The following CYP39A1 variants were observed in gnomAD, a reference collection of about 807,000 sequenced individuals.
CYP39A1 encodes cytochrome P450 family 39 subfamily A member 1, also known as 24-hydroxycholesterol 7-alpha-hydroxylase.
Under a neutral mutation model 58.1 loss-of-function variants are expected in CYP39A1, and 49 were observed. That is an observed-to-expected ratio of 0.84 (90% confidence interval 0.67 to 1.07). The LOEUF is 1.07. Ranked by LOEUF, CYP39A1 falls within the 50% of genes least tolerant of loss-of-function variation. The pLI is 0.00. For missense variants in CYP39A1, 531 were observed against 539.4 expected, an observed-to-expected ratio of 0.98 and a Z score of 0.16; for synonymous variants, 209 against 187.6, an observed-to-expected ratio of 1.11 and a Z score of -0.93.
At chr6:46,562,331 T>C (rs1219511222) in intron 10 of CYP39A1, among the ~76,000 whole-genome samples, 1 of 151,748 alleles carries the variant, frequency 6.6e-6, no homozygotes, top group African/African-American at 2.4e-5. Context: ...ACTAAGAGAG[T>C]AGATTTTAAG....
chr6:46,611,965 A>G (rs1162270280), intron 7 of CYP39A1, among the ~76,000 whole-genome samples: 1 of 152,248 alleles, frequency 6.6e-6, no homozygotes, highest in Non-Finnish European at 1.5e-5. Context: ...GCTCTGAAGA[A>G]AGAATTGTGT....
chr6:46,628,278 T>C (rs931227560), intron 6 of CYP39A1, among the ~76,000 whole-genome samples: 1 of 152,142 alleles, frequency 6.6e-6, no homozygotes, highest in Non-Finnish European at 1.5e-5. Flanking sequence ...TGAATACATA[T>C]TGGAGAAAAA....
intron 7 of CYP39A1, among the ~76,000 whole-genome samples, chr6:46,603,647 CA>C (rs1357884492): frequency 6.6e-6 from 1 of 152,158 alleles, no homozygotes; most frequent in Non-Finnish European, 1.5e-5. Context: ...TTAACCTTGG[CA>C]AAATAAACCT....
intron 7 of CYP39A1, among the ~76,000 whole-genome samples, chr6:46,613,360 C>T (rs1055659926): frequency 6.6e-6 from 1 of 152,186 alleles, no homozygotes; most frequent in African/African-American, 2.4e-5. Context: ...CTTTCATCCA[C>T]AATCACACAA....
rs572086482 is a variant in CYP39A1, at chr6:46,639,202, T to G, written c.488+292A>C. Among the ~76,000 whole-genome samples the G allele has an allele frequency of 6.9e-4, 105 of 152,334 alleles. 1 individual carries two copies. The highest frequency in any genetic ancestry group is 2.5e-3 in the African/African-American group (103 of 41,576). On this transcript the variant is annotated intron_variant, in intron 3 of 11. Transcript: ENST00000275016. ...AAAATCCGTGTAGTTTATACACAAA[T>G]GTATGGAATGACTAAGGATAAATTA...
intron 1 of CYP39A1, among the ~76,000 whole-genome samples, chr6:46,646,374 GT>G (rs1458003741): frequency 6.6e-6 from 1 of 152,074 alleles, no homozygotes; most frequent in East Asian, 1.9e-4. Flanking sequence ...TATCAATTAT[GT>G]GCTTTTTCTT....
At chr6:46,647,044 C>A (rs1762370852) in intron 1 of CYP39A1, among the ~76,000 whole-genome samples, 1 of 151,316 alleles carries the variant, frequency 6.6e-6, no homozygotes, top group African/African-American at 2.4e-5. Flanking sequence ...TCATTGATTT[C>A]TGTTCCTTAC....
chr6:46,632,512 T>C (rs916967460), intron 5 of CYP39A1, among the ~76,000 whole-genome samples: 1 of 151,930 alleles, frequency 6.6e-6, no homozygotes, highest in Non-Finnish European at 1.5e-5. Flanking sequence ...GTTTGTTCTA[T>C]AGGTAAAATC....
At chr6:46,550,674 C>T (rs960387949) in intron 11 of CYP39A1, among the ~76,000 whole-genome samples, 1 of 152,156 alleles carries the variant, frequency 6.6e-6, no homozygotes, top group Non-Finnish European at 1.5e-5. Flanking sequence ...GTTGTACACA[C>T]CTGAAGGCTA....
At chr6:46,631,398 G>A (rs923192506) in intron 5 of CYP39A1, among the ~76,000 whole-genome samples, 10 of 152,104 alleles carry the variant, frequency 6.6e-5, no homozygotes, top group African/African-American at 9.7e-5. Context: ...TACCTACCTC[G>A]TAGGATTGTT....
At chr6:46,575,668 C>T (rs1370449596) in intron 10 of CYP39A1, among the ~76,000 whole-genome samples, 2 of 152,194 alleles carry the variant, frequency 1.3e-5, no homozygotes, top group African/African-American at 2.4e-5. Flanking sequence ...TTGCCAGAAG[C>T]TCCAGTCAAG....
chr6:46,582,862 C>T (rs1358621752), intron 10 of CYP39A1, among the ~76,000 whole-genome samples: 1 of 151,854 alleles, frequency 6.6e-6, no homozygotes, highest in Non-Finnish European at 1.5e-5. Flanking sequence ...CTCCCAGAAC[C>T]CTAACCTGAC....
At chr6:46,588,413 T>TTA (rs899972721) in intron 8 of CYP39A1, among the ~76,000 whole-genome samples, 1 of 151,994 alleles carries the variant, frequency 6.6e-6, no homozygotes, top group African/African-American at 2.4e-5. Context: ...ATATATTCAG[T>TTA]TATATGGAAG....
chr6:46,628,930 T>C (rs999359998), intron 6 of CYP39A1, among the ~76,000 whole-genome samples: 2 of 152,226 alleles, frequency 1.3e-5, no homozygotes, highest in Non-Finnish European at 1.5e-5. Flanking sequence ...CCAGGTGCTA[T>C]TAGCCACAAT....
At chr6:46,631,118 A>C in intron 5 of CYP39A1, 48 bp from the exon 6 acceptor site, 1 of 1,313,974 alleles carries the variant, frequency 7.6e-7, no homozygotes, top group South Asian at 1.2e-5. Context: ...TGTGACAAAT[A>C]TCGATGTTAA....
At chr6:46,557,752 GA>G in intron 10 of CYP39A1, among the ~76,000 whole-genome samples, 1 of 150,532 alleles carries the variant, frequency 6.6e-6, no homozygotes, top group South Asian at 2.1e-4. Context: ...GCCTGGCCAA[GA>G]TGGTGAAATC....
chr6:46,630,035 G>T (rs1434798614), intron 6 of CYP39A1, among the ~76,000 whole-genome samples: 2 of 152,148 alleles, frequency 1.3e-5, no homozygotes, highest in South Asian at 4.1e-4. Context: ...AGCAGAGGTT[G>T]CAGTGAGCCG....
At chr6:46,628,361 G>T (rs1213592877) in intron 6 of CYP39A1, among the ~76,000 whole-genome samples, 1 of 152,168 alleles carries the variant, frequency 6.6e-6, no homozygotes, top group Non-Finnish European at 1.5e-5. Context: ...AGTTGAGAGT[G>T]GGATGGGGTA....
At position 46,581,199 on chromosome 6, in the gene CYP39A1, G is replaced by A. The variant is rs112461045; in HGVS notation, c.1250+5878C>T. 3.3e-3 allele frequency among the ~76,000 whole-genome samples: 508 copies of A among 152,206 alleles called. 21 individuals carry two copies. In the East Asian group the frequency reaches 0.08, roughly 24 times the overall value. The stretch of plus-strand genomic sequence containing the variant: ...AAGGTGGGAGAATTGCTTGAGCTCA[G>A]GAGTTCAAGACTAGCCTATGAAACA... On this transcript the variant is annotated intron_variant, in intron 10 of 11. Transcript: ENST00000275016.
Sources: gnomAD v4.1 joint callset for allele counts (sites outside exome capture counted in the v4.1 genomes callset) on GRCh38, gnomAD v4.1.1 for gene constraint, MANE v1.5 for transcripts, NCBI Gene and HGNC (gene_info 2026-07-23, HGNC 2026-07-21) for gene names.